NCOA7: variants seen among roughly 807,000 people sequenced by gnomAD.
NCOA7 encodes nuclear receptor coactivator 7, also known as 140 kDa estrogen receptor-associated protein.
In NCOA7, 45 loss-of-function variants were observed where a neutral mutation model predicts 104.3. The observed-to-expected ratio is 0.43, with a 90% CI of 0.34 to 0.55. The LOEUF (loss-of-function observed/expected upper bound fraction) is 0.55, where lower values mean the gene tolerates loss of function less well. Among genes scored for constraint, NCOA7 ranks in the 20% least tolerant of loss-of-function variants. The probability of loss-of-function intolerance (pLI) is 0.02; values close to 1 mark genes in which losing one functional copy is unlikely to be tolerated. For synonymous variants in NCOA7, 398 were observed against 402.3 expected, an observed-to-expected ratio of 0.99 and a Z score of 0.13; for missense variants, 1,041 against 1,119.7, an observed-to-expected ratio of 0.93 and a Z score of 1.00.
intron 10 of NCOA7, among the ~76,000 whole-genome samples, chr6:125,905,974 C>T (rs552857470): frequency 1.5e-4 from 22 of 151,566 alleles, no homozygotes; most frequent in African/African-American, 5.3e-4. Context: ...GGCTAATTTT[C>T]GTATTTTTAG....
At chr6:125,832,617 T>C (rs1474842116) in intron 2 of NCOA7, among the ~76,000 whole-genome samples, 1 of 152,182 alleles carries the variant, frequency 6.6e-6, no homozygotes, top group Non-Finnish European at 1.5e-5. Context: ...GTCCCATTTG[T>C]CATGGGGCAG....
At chr6:125,820,914 T>C (rs641860) in intron 2 of NCOA7, among the ~76,000 whole-genome samples, 104,356 of 152,058 alleles carry the variant, frequency 0.69, 36,392 homozygotes, top group East Asian at 0.91. Flanking sequence ...AACCTAACAG[T>C]CTTTTATTTA....
chr6:125,806,312 G>T (rs773132349), intron 1 of NCOA7, among the ~76,000 whole-genome samples: 1 of 152,100 alleles, frequency 6.6e-6, no homozygotes, highest in Admixed American at 6.6e-5. Context: ...CTGCACTCCC[G>T]CCTGGATGAC....
intron 2 of NCOA7, among the ~76,000 whole-genome samples, chr6:125,831,917 C>T (rs1480955500): frequency 6.6e-6 from 1 of 152,184 alleles, no homozygotes; most frequent in Non-Finnish European, 1.5e-5. Flanking sequence ...CCCTATATGC[C>T]TGCCCATTAG....
rs1784461846 is a variant in NCOA7 at position 125,889,332 on chromosome 6, TG to T, written c.1280del (p.Gly427ValfsTer10). The T allele has an allele frequency of 6.2e-7, 1 of 1,614,028 alleles. No individual in the cohort carries two copies. The highest frequency in any genetic ancestry group is 8.5e-7 in the Non-Finnish European group (1 of 1,179,990). On this transcript the variant is annotated frameshift_variant, in exon 9 of 16. Coordinates refer to ENST00000392477, the MANE Select transcript of NCOA7 (RefSeq NM_181782.5). LOFTEE classifies it high-confidence loss of function. ...VDLEELSSQT[G>X]GGMHKKDTLK... ...ACTTGGAAGAACTTTCTTCTCAAAC[TG>T]GTGGTGGAATGCACAAAAAAGACAC... is the stretch of plus-strand genomic sequence containing the variant.
upstream of NCOA7, among the ~76,000 whole-genome samples, chr6:125,786,839 G>GT (rs1463022159): frequency 1.3e-5 from 2 of 152,240 alleles, no homozygotes; most frequent in East Asian, 3.9e-4. Flanking sequence ...GCCTCCCAAA[G>GT]TGCTGGGATT....
upstream of NCOA7, among the ~76,000 whole-genome samples, chr6:125,788,573 G>A (rs1196523576): frequency 6.9e-6 from 1 of 145,138 alleles, no homozygotes; most frequent in Non-Finnish European, 1.5e-5. Context: ...GTTTCGCTCT[G>A]TCACCAGGCT....
chr6:125,904,433 A>G (rs1035209494), intron 10 of NCOA7, among the ~76,000 whole-genome samples: 2 of 152,100 alleles, frequency 1.3e-5, no homozygotes, highest in Non-Finnish European at 2.9e-5. Context: ...ATCTGATGGC[A>G]TTGTCCTCCT....
intron 10 of NCOA7, among the ~76,000 whole-genome samples, chr6:125,907,149 C>A (rs1460993213): frequency 6.6e-6 from 1 of 152,134 alleles, no homozygotes; most frequent in African/African-American, 2.4e-5. Context: ...GCCCTGTCTA[C>A]GTGAGAGAAT....
At chr6:125,793,543 T>A (rs528319335) in intron 1 of NCOA7, among the ~76,000 whole-genome samples, 2 of 152,236 alleles carry the variant, frequency 1.3e-5, no homozygotes, top group East Asian at 3.9e-4. Context: ...CACTTTTGGG[T>A]CCTACCTCCT....
chr6:125,797,995 T>C (rs1775498727), intron 1 of NCOA7: 1 of 152,244 alleles, frequency 6.6e-6, no homozygotes, highest in South Asian at 2.1e-4. Flanking sequence ...AAAATAATAC[T>C]GACTTCATGG....
At chr6:125,842,151 C>G (rs1013640478) in intron 2 of NCOA7, among the ~76,000 whole-genome samples, 1 of 152,106 alleles carries the variant, frequency 6.6e-6, no homozygotes, top group African/African-American at 2.4e-5. Flanking sequence ...AACTATGTTT[C>G]CCTTACGAGG....
At chr6:125,857,709 C>T (rs191544172) in intron 3 of NCOA7, among the ~76,000 whole-genome samples, 19 of 152,112 alleles carry the variant, frequency 1.2e-4, no homozygotes, top group Non-Finnish European at 1.6e-4. Context: ...AACAGGTGCA[C>T]ACCATCACGC....
At chr6:125,873,802 A>T (rs953061145) in intron 3 of NCOA7, among the ~76,000 whole-genome samples, 2 of 152,240 alleles carry the variant, frequency 1.3e-5, no homozygotes, top group African/African-American at 4.8e-5. Flanking sequence ...CCAGGCTAAT[A>T]GGTATAAAAT....
intron 2 of NCOA7, among the ~76,000 whole-genome samples, chr6:125,819,189 TTG>T (rs1271558014): frequency 1.3e-5 from 2 of 152,150 alleles, no homozygotes; most frequent in Non-Finnish European, 2.9e-5. Context: ...TTCATAATCG[TTG>T]TGTGACTGTG....
At chr6:125,909,853 G>A (rs537848127) in intron 10 of NCOA7, among the ~76,000 whole-genome samples, 3 of 152,094 alleles carry the variant, frequency 2.0e-5, no homozygotes, top group Non-Finnish European at 4.4e-5. Context: ...TTTGTGTTAG[G>A]TGATTTGAGG....
intron 5 of NCOA7, among the ~76,000 whole-genome samples, chr6:125,880,274 T>G (rs1783711753): frequency 6.6e-6 from 1 of 152,090 alleles, no homozygotes; most frequent in Non-Finnish European, 1.5e-5. Flanking sequence ...AGAGCCTGCT[T>G]GGAGTTAGCA....
chr6:125,856,020 G>A (rs907217775), intron 3 of NCOA7, among the ~76,000 whole-genome samples: 6 of 152,126 alleles, frequency 3.9e-5, no homozygotes, highest in African/African-American at 7.2e-5. Context: ...CAGAAGTGGC[G>A]TATCTAGCTT....
rs748368226 is a variant in NCOA7, at chr6:125,889,349, A to G, written c.1295A>G (p.Lys432Arg). ...LSSQTGGGMH[K>R]KDTLKECLSL... The stretch of plus-strand genomic sequence containing the variant: ...TCTCAAACTGGTGGTGGAATGCACA[A>G]AAAAGACACCTTGAAGGAGTGCCTT... The change falls in exon 9 of 16, where the codon AAA (lysine) becomes AGA (arginine). Residue 432 changes from lysine (K) to arginine (R), a missense_variant. By Grantham distance (26) the Lys-to-Arg change is conservative (BLOSUM62 2). Around this residue, in one of 2 missense-constraint regions of NCOA7, gnomAD observed 914 missense variants for 942.7 expected, o/e 0.97. Transcript: ENST00000392477. 7.4e-6 allele frequency: 12 copies of G among 1,614,016 alleles called. No homozygotes were observed. The South Asian group carries it at 9.9e-5, about 13-fold the overall frequency.
Sources: gnomAD v4.1 joint callset for allele counts (sites outside exome capture counted in the v4.1 genomes callset) on GRCh38, gnomAD v4.1.1 for gene constraint, gnomAD v4.1.1 regional missense constraint, MANE v1.5 for transcripts, NCBI Gene and HGNC (gene_info 2026-07-23, HGNC 2026-07-21) for gene names.